Variants in SLC35F3 observed in about 807,000 individuals in gnomAD.
The protein encoded by SLC35F3 is solute carrier family 35 member F3.
SLC35F3 carries 25 observed loss-of-function variants against 49.9 expected under a neutral mutation model. That is an observed-to-expected ratio of 0.50 (90% CI 0.37 to 0.70). The LOEUF (loss-of-function observed/expected upper bound fraction) is 0.70, where lower values mean the gene tolerates loss of function less well. Among genes scored for constraint, SLC35F3 ranks in the 30% least tolerant of loss-of-function variants. The probability of loss-of-function intolerance (pLI) is 0.00; values close to 1 mark genes in which losing one functional copy is unlikely to be tolerated. For synonymous variants in SLC35F3, 275 were observed against 265.4 expected, an observed-to-expected ratio of 1.04 and a Z score of -0.35; for missense variants, 525 against 639.8, an observed-to-expected ratio of 0.82 and a Z score of 1.94.
intron 3 of SLC35F3, among the ~76,000 whole-genome samples, chr1:234,273,370 A>T (rs1323769285): frequency 6.6e-6 from 1 of 152,148 alleles, no homozygotes; most frequent in Non-Finnish European, 1.5e-5. Context: ...GGTACAGGGG[A>T]TGCAGGGAAC....
intron 2 of SLC35F3, among the ~76,000 whole-genome samples, chr1:234,225,571 T>G (rs1260939931): frequency 6.6e-6 from 1 of 152,246 alleles, no homozygotes; most frequent in Non-Finnish European, 1.5e-5. Flanking sequence ...GTGGGTACTT[T>G]AAGCACTGCC....
chr1:233,995,244 C>T (rs1304760734), intron 2 of SLC35F3, among the ~76,000 whole-genome samples: 1 of 152,116 alleles, frequency 6.6e-6, no homozygotes, highest in Non-Finnish European at 1.5e-5. Context: ...CACATTTTTC[C>T]AGAGGACAGA....
At chr1:234,076,980 GAA>G (rs887399837) in intron 2 of SLC35F3, among the ~76,000 whole-genome samples, 1 of 145,208 alleles carries the variant, frequency 6.9e-6, no homozygotes, top group African/African-American at 2.5e-5. Context: ...ATTTATAAAA[GAA>G]AGAGGTTTTT....
chr1:234,299,241 C>T (rs905039472), intron 3 of SLC35F3, among the ~76,000 whole-genome samples: 3 of 152,166 alleles, frequency 2.0e-5, no homozygotes, highest in Non-Finnish European at 4.4e-5. Context: ...AAGCGTCCAC[C>T]AAGGCAAAGA....
chr1:233,997,610 A>G (rs1003667073), intron 2 of SLC35F3, among the ~76,000 whole-genome samples: 1 of 152,120 alleles, frequency 6.6e-6, no homozygotes, highest in Non-Finnish European at 1.5e-5. Flanking sequence ...CATAATAAGC[A>G]TCGTTCTCCC....
In SLC35F3 at chr1:234,272,253, G is replaced by A. The variant is rs964149855; in HGVS notation, c.609-36848G>A. On this transcript the variant is annotated intron_variant, in intron 3 of 7. Transcript: ENST00000366618. ...AACCGTGTATACTTTCCAGGGTATG[G>A]AAAGTAGGAGTAATAGAAGGGCAGC... is the stretch of plus-strand genomic sequence containing the variant. 11 of 152,306 alleles carry A rather than the reference G, an allele frequency of 7.2e-5. No individual in the cohort carries two copies. The East Asian group carries it at 1.9e-3, about 27-fold the overall frequency. The allele number at this position is 152,306 out of a possible 1,614,324, so 9.4% of individuals were successfully genotyped here.
chr1:234,116,919 A>G (rs185689324), intron 2 of SLC35F3, among the ~76,000 whole-genome samples: 288 of 152,270 alleles, frequency 1.9e-3, no homozygotes, highest in South Asian at 4.6e-3. Context: ...CTTATTTTGT[A>G]CTATCTCAGC....
chr1:233,985,644 A>G (rs1663255789), intron 2 of SLC35F3, among the ~76,000 whole-genome samples: 1 of 152,194 alleles, frequency 6.6e-6, no homozygotes, highest in Admixed American at 6.5e-5. Flanking sequence ...GTGAGAGTAC[A>G]TTTTCAGCAC....
Position 234,035,079 on chromosome 1 carries a change from C to G in SLC35F3, c.283+129321C>G, listed in dbSNP as rs566351117. Among the ~76,000 whole-genome samples, 101 of 152,264 alleles carry G rather than the reference C, an allele frequency of 6.6e-4. 1 individual carries two copies. In the South Asian group the frequency reaches 0.017, roughly 26 times the overall value. ...ATGCGCAGCTGTCATCCTGGCATCTCATTCTGGGTATTCACTCCCTGCCTT... is the reference window on the plus strand; with the variant it reads ...ATGCGCAGCTGTCATCCTGGCATCTGATTCTGGGTATTCACTCCCTGCCTT... On this transcript the variant is annotated intron_variant, in intron 2 of 7. Transcript: ENST00000366618.
intron 2 of SLC35F3, among the ~76,000 whole-genome samples, chr1:234,201,800 A>G (rs1045696798): frequency 6.6e-6 from 1 of 151,318 alleles, no homozygotes; most frequent in Non-Finnish European, 1.5e-5. Context: ...CCATCTTTGT[A>G]GTTTTACAAA....
intron 2 of SLC35F3, among the ~76,000 whole-genome samples, chr1:234,206,581 C>G (rs1024116744): frequency 1.3e-5 from 2 of 152,062 alleles, no homozygotes; most frequent in Non-Finnish European, 1.5e-5. Flanking sequence ...CTGCTTATTT[C>G]TGCCCTAGTG....
chr1:234,025,860 C>G (rs1190917082), intron 2 of SLC35F3, among the ~76,000 whole-genome samples: 2 of 143,210 alleles, frequency 1.4e-5, no homozygotes, highest in African/African-American at 4.9e-5. Flanking sequence ...CTTTTGGGAA[C>G]TTAACCATAA....
rs201426295 is a variant in SLC35F3, at chr1:233,942,320, G to C, written c.283+36562G>C. 3.3e-5 allele frequency among the ~76,000 whole-genome samples: 5 copies of C among 151,994 alleles called. No homozygotes were observed. The East Asian group carries it at 7.8e-4, about 24-fold the overall frequency. Reference sequence around the variant, plus strand: ...GACAAAATAGGGAATGCCAGAAAGGGGGAGGGGGAGAGGCCAAATGCCTCT... The same window carrying C: ...GACAAAATAGGGAATGCCAGAAAGGCGGAGGGGGAGAGGCCAAATGCCTCT... On this transcript the variant is annotated intron_variant, in intron 2 of 7. Coordinates refer to ENST00000366618, the MANE Select transcript of SLC35F3 (RefSeq NM_173508.4).
intron 2 of SLC35F3, among the ~76,000 whole-genome samples, chr1:234,195,652 C>G (rs958093608): frequency 1.3e-5 from 2 of 152,140 alleles, no homozygotes; most frequent in African/African-American, 4.8e-5. Context: ...ATTAATACCC[C>G]CCTGCAACCA....
Position 233,938,093 on chromosome 1 carries a change from A to C in SLC35F3, c.283+32335A>C, listed in dbSNP as rs550123359. Reference sequence around the variant, plus strand: ...GTTGGGGTTCTTGGTTGAAAGCAACAGACATTCAATGTTTTCATCATAGGC... The same window carrying C: ...GTTGGGGTTCTTGGTTGAAAGCAACCGACATTCAATGTTTTCATCATAGGC... On this transcript the variant is annotated intron_variant, in intron 2 of 7. Transcript: ENST00000366618. 2.0e-5 allele frequency among the ~76,000 whole-genome samples: 3 copies of C among 152,352 alleles called. No individual in the cohort carries two copies. The East Asian group carries it at 5.8e-4, about 29-fold the overall frequency.
rs1268539395 is a variant in SLC35F3, at chr1:233,959,585, G to GACTA, written c.283+53828_283+53829insCTAA. Among the ~76,000 whole-genome samples, 420 of 152,278 alleles carry GACTA rather than the reference G, an allele frequency of 2.8e-3. 1 individual carries two copies. Among genetic ancestry groups the GACTA allele is most frequent in the African/African-American group, 9.6e-3 (397 of 41,562 alleles). On this transcript the variant is annotated intron_variant, in intron 2 of 7. Transcript: ENST00000366618. ...GTGGTTTGATCCTTGTGAGTACCATGAATGTCAGTCAGGTTTTAAGACTAA... is the reference window on the plus strand; with the variant it reads ...GTGGTTTGATCCTTGTGAGTACCATGACTAAATGTCAGTCAGGTTTTAAGACTAA...
chr1:233,966,110 C>G (rs183484428), intron 2 of SLC35F3, among the ~76,000 whole-genome samples: 1 of 152,104 alleles, frequency 6.6e-6, no homozygotes, highest in Non-Finnish European at 1.5e-5. Context: ...GGGAAATGGT[C>G]TTCCAGTAAG....
chr1:234,175,016 C>A (rs1666454876), intron 2 of SLC35F3, among the ~76,000 whole-genome samples: 1 of 152,224 alleles, frequency 6.6e-6, no homozygotes, highest in Non-Finnish European at 1.5e-5. Flanking sequence ...GACTCGTAGG[C>A]AGATTTTGCT....
intron 2 of SLC35F3, among the ~76,000 whole-genome samples, chr1:233,966,295 G>T (rs1253886678): frequency 6.6e-6 from 1 of 152,162 alleles, no homozygotes; most frequent in Non-Finnish European, 1.5e-5. Context: ...TATGAATGGG[G>T]TTACCCTAAT....
Sources: gnomAD v4.1 joint callset for allele counts (sites outside exome capture counted in the v4.1 genomes callset) on GRCh38, gnomAD v4.1.1 for gene constraint, MANE v1.5 for transcripts, NCBI Gene and HGNC (gene_info 2026-07-23, HGNC 2026-07-21) for gene names.